The following SLC12A8 variants were observed in gnomAD, a reference collection of about 807,000 sequenced individuals.
SLC12A8 encodes the protein solute carrier family 12 member 8.
In SLC12A8, 69 loss-of-function variants were observed where a neutral mutation model predicts 75.6. The observed-to-expected ratio is 0.91, with a 90% CI of 0.75 to 1.11. The LOEUF (loss-of-function observed/expected upper bound fraction) is 1.11. Ranked by LOEUF, SLC12A8 falls within the 50% of genes most tolerant of loss-of-function variation. The probability of loss-of-function intolerance (pLI) is 0.00; values close to 1 mark genes in which losing one functional copy is unlikely to be tolerated. For missense variants in SLC12A8, 877 were observed against 896.7 expected, an observed-to-expected ratio of 0.98 and a Z score of 0.28; for synonymous variants, 365 against 372.8, an observed-to-expected ratio of 0.98 and a Z score of 0.24.
chr3:125,108,705 A>ACT (rs1939104911), intron 9 of SLC12A8, among the ~76,000 whole-genome samples: 1 of 152,140 alleles, frequency 6.6e-6, no homozygotes, highest in Non-Finnish European at 1.5e-5. Flanking sequence ...TTATTATAGA[A>ACT]CTTTGACTTC....
intron 2 of SLC12A8, among the ~76,000 whole-genome samples, chr3:125,202,004 T>C (rs989763406): frequency 2.6e-5 from 4 of 152,038 alleles, no homozygotes; most frequent in African/African-American, 7.2e-5. Context: ...GCCTCCTGGG[T>C]TCAAGTGATT....
rs775140638 is a variant in SLC12A8, at chr3:125,102,577, A to G, written c.1705+4904T>C. Among the ~76,000 whole-genome samples, 5 of 152,218 alleles carry G rather than the reference A, an allele frequency of 3.3e-5. No homozygotes were observed. The South Asian group carries it at 6.2e-4, about 19-fold the overall frequency. ...TTGGAGACTTAGCAAGAGTCCAGGT[A>G]CAAGATGATGAGCGTCTGCACCAAA... is the stretch of plus-strand genomic sequence containing the variant. On this transcript the variant is annotated intron_variant, in intron 10 of 13. Transcript: ENST00000469902.
intron 2 of SLC12A8, among the ~76,000 whole-genome samples, chr3:125,198,702 G>T (rs1935054823): frequency 6.6e-6 from 1 of 152,172 alleles, no homozygotes; most frequent in Middle Eastern, 3.4e-3. Flanking sequence ...CCTGGAAGGA[G>T]GTCTTGGGGA....
intron 5 of SLC12A8, among the ~76,000 whole-genome samples, chr3:125,148,970 G>A (rs778101152): frequency 8.2e-5 from 8 of 97,876 alleles, no homozygotes; most frequent in Admixed American, 5.3e-4. Context: ...AACCAGCAGC[G>A]GGGGGGCACA....
intron 5 of SLC12A8, chr3:125,151,380 G>A (rs1003294180): frequency 3.2e-5 from 5 of 154,198 alleles, no homozygotes; most frequent in African/African-American, 1.2e-4. Context: ...TAGGTCAGGT[G>A]TAAAAGAAAC....
At chr3:125,145,818 T>C (rs977422919) in intron 5 of SLC12A8, among the ~76,000 whole-genome samples, 1 of 152,178 alleles carries the variant, frequency 6.6e-6, no homozygotes, top group Non-Finnish European at 1.5e-5. Flanking sequence ...CAAAATATCT[T>C]TTTTATTCTT....
chr3:125,165,873 C>T (rs866896743), intron 5 of SLC12A8, among the ~76,000 whole-genome samples: 2 of 152,172 alleles, frequency 1.3e-5, no homozygotes, highest in Non-Finnish European at 2.9e-5. Context: ...CCCTGCATCC[C>T]GAGTGGAACA....
Position 125,088,301 on chromosome 3 carries a change from G to C in SLC12A8, c.1982+9C>G. 2 of 1,613,910 alleles carry C rather than the reference G, an allele frequency of 1.2e-6. No homozygotes were observed. Among genetic ancestry groups the C allele is most frequent in the Non-Finnish European group, 1.7e-6 (2 of 1,179,854 alleles). ...TCCATTCTGGTACTGGCTCCAAATT[G>C]GCACAGACCTGCAGGAGGGGAGCAA... On this transcript the variant is annotated intron_variant, in intron 13 of 13. Transcript: ENST00000469902.
At chr3:125,155,847 C>CAA (rs34477615) in intron 5 of SLC12A8, among the ~76,000 whole-genome samples, 3 of 102,074 alleles carry the variant, frequency 2.9e-5, no homozygotes, top group Non-Finnish European at 6.0e-5. Flanking sequence ...TTACTCTTGC[C>CAA]AAAAAAAAAA....
intron 2 of SLC12A8, among the ~76,000 whole-genome samples, chr3:125,196,749 T>G (rs773296337): frequency 6.6e-6 from 1 of 152,158 alleles, no homozygotes; most frequent in Non-Finnish European, 1.5e-5. Flanking sequence ...AGCAACATAA[T>G]GAGACCACAC....
At chr3:125,114,584 C>T (rs116427325) in intron 8 of SLC12A8, among the ~76,000 whole-genome samples, 3,000 of 152,282 alleles carry the variant, frequency 0.02, 42 homozygotes, top group Non-Finnish European at 0.029. Context: ...ACCACCACGC[C>T]TGGCATATTT....
chr3:125,211,508 G>A (rs1176307685), intron 1 of SLC12A8, 114 bp from the exon 2 acceptor site: 15 of 690,374 alleles, frequency 2.2e-5, no homozygotes, highest in African/African-American at 5.3e-5. Context: ...CCTGGCTGAG[G>A]AAGAAACCTT....
intron 2 of SLC12A8, among the ~76,000 whole-genome samples, chr3:125,205,447 T>C (rs2107804858): frequency 6.6e-6 from 1 of 152,192 alleles, no homozygotes; most frequent in Middle Eastern, 3.4e-3. Flanking sequence ...CCAGAAAATG[T>C]CCCCACTCTA....
intron 5 of SLC12A8, among the ~76,000 whole-genome samples, chr3:125,167,280 G>T (rs1435246953): frequency 6.6e-6 from 1 of 152,022 alleles, no homozygotes; most frequent in Non-Finnish European, 1.5e-5. Context: ...CTCCCCAGTA[G>T]CTGGGACTAC....
intron 10 of SLC12A8, among the ~76,000 whole-genome samples, chr3:125,094,162 C>A (rs1397761811): frequency 6.6e-6 from 1 of 152,166 alleles, no homozygotes; most frequent in Non-Finnish European, 1.5e-5. Flanking sequence ...CAGCCCATAA[C>A]CTCCTTTAAA....
rs1056190243 is a variant in SLC12A8 at position 125,107,558 on chromosome 3, TC to T, written c.1627del (p.Glu543LysfsTer30). ...ATATGTTCCCTCAGGCTGAGTCCCT[TC>T]GCTCTTGGAAGTCTGCTTGTTCCAG... is the stretch of plus-strand genomic sequence containing the variant. ...SCWNKQTSKS[E>X]GTQPEGTYGE... is the part of the protein sequence containing the mutation. On this transcript the variant is annotated frameshift_variant, in exon 10 of 14. Coordinates refer to ENST00000469902, the MANE Select transcript of SLC12A8 (RefSeq NM_024628.6). LOFTEE classifies it high-confidence loss of function. The T allele has an allele frequency of 6.2e-7, 1 of 1,614,074 alleles. No homozygotes were observed. Among genetic ancestry groups the T allele is most frequent in the Non-Finnish European group, 8.5e-7 (1 of 1,180,032 alleles).
intron 5 of SLC12A8, among the ~76,000 whole-genome samples, chr3:125,173,906 C>T (rs1409212645): frequency 6.6e-6 from 1 of 152,154 alleles, no homozygotes; most frequent in Non-Finnish European, 1.5e-5. Flanking sequence ...GCCTGGCCAA[C>T]ATGGTGAAAC....
chr3:125,149,270 A>G (rs1473438933), intron 5 of SLC12A8, among the ~76,000 whole-genome samples: 1 of 152,326 alleles, frequency 6.6e-6, no homozygotes, highest in African/African-American at 2.4e-5. Context: ...TCTTCAGCCC[A>G]TGGCTCCTTT....
At chr3:125,178,583 A>T (rs1004627674) in intron 4 of SLC12A8, among the ~76,000 whole-genome samples, 2 of 152,222 alleles carry the variant, frequency 1.3e-5, no homozygotes, top group Non-Finnish European at 2.9e-5. Flanking sequence ...TAATAAAGTT[A>T]CATGTTACCT....
Sources: gnomAD v4.1 joint callset for allele counts (sites outside exome capture counted in the v4.1 genomes callset) on GRCh38, gnomAD v4.1.1 for gene constraint, MANE v1.5 for transcripts, NCBI Gene and HGNC (gene_info 2026-07-23, HGNC 2026-07-21) for gene names.